Variants in UBASH3B observed in about 807,000 individuals in gnomAD.
UBASH3B encodes ubiquitin associated and SH3 domain containing B.
A neutral mutation model predicts 83.4 loss-of-function variants in UBASH3B; 37 were observed. The observed-to-expected ratio is 0.44, with a 90% confidence interval of 0.34 to 0.58. The LOEUF (loss-of-function observed/expected upper bound fraction) is 0.58. Among genes scored for constraint, UBASH3B ranks in the 20% least tolerant of loss-of-function variants. The pLI is 0.01. For missense variants in UBASH3B, 657 were observed against 827.2 expected, an observed-to-expected ratio of 0.79 and a Z score of 2.52; for synonymous variants, 304 against 318.3, an observed-to-expected ratio of 0.96 and a Z score of 0.48.
intron 1 of UBASH3B, among the ~76,000 whole-genome samples, chr11:122,768,466 A>AGGTATATGTG: frequency 7.8e-6 from 1 of 128,984 alleles, no homozygotes; most frequent in Non-Finnish European, 1.6e-5. Flanking sequence ...AGAGATATAT[A>AGGTATATGTG]TGTATGTGTG....
intron 1 of UBASH3B, among the ~76,000 whole-genome samples, chr11:122,710,546 A>G (rs1336875138): frequency 1.3e-5 from 2 of 152,242 alleles, no homozygotes; most frequent in Non-Finnish European, 2.9e-5. Flanking sequence ...GCCAGAAGTC[A>G]AACGTTCATC....
intron 1 of UBASH3B, among the ~76,000 whole-genome samples, chr11:122,663,529 A>T (rs1380435711): frequency 6.6e-6 from 1 of 152,204 alleles, no homozygotes; most frequent in African/African-American, 2.4e-5. Context: ...GTGGACAGTC[A>T]TTCGCAGAGC....
At chr11:122,664,948 G>A (rs763381129) in intron 1 of UBASH3B, among the ~76,000 whole-genome samples, 4 of 152,280 alleles carry the variant, frequency 2.6e-5, no homozygotes, top group South Asian at 4.1e-4. Context: ...TCGCTCTGTC[G>A]CCCAGGCTGG....
chr11:122,743,668 T>A (rs1257476434), intron 1 of UBASH3B, among the ~76,000 whole-genome samples: 1 of 152,220 alleles, frequency 6.6e-6, no homozygotes, highest in East Asian at 1.9e-4. Flanking sequence ...TGCAAGGATG[T>A]GAATATTCGA....
chr11:122,681,944 A>C (rs1030916870), intron 1 of UBASH3B, among the ~76,000 whole-genome samples: 1 of 152,100 alleles, frequency 6.6e-6, no homozygotes, highest in Non-Finnish European at 1.5e-5. Context: ...TTGTGTGCTG[A>C]GTGTGGCAGC....
intron 1 of UBASH3B, among the ~76,000 whole-genome samples, chr11:122,766,774 TAAATA>T (rs904111370): frequency 4.6e-5 from 7 of 152,030 alleles, no homozygotes; most frequent in East Asian, 3.9e-4. Context: ...AATAAATACG[TAAATA>T]AAATAAAATA....
At chr11:122,660,423 G>A (rs1428440227) in intron 1 of UBASH3B, among the ~76,000 whole-genome samples, 1 of 152,160 alleles carries the variant, frequency 6.6e-6, no homozygotes, top group Non-Finnish European at 1.5e-5. Flanking sequence ...AAAAATAAGG[G>A]TCCAGCTTCC....
At chr11:122,708,986 C>T (rs1009151312) in intron 1 of UBASH3B, among the ~76,000 whole-genome samples, 20 of 152,212 alleles carry the variant, frequency 1.3e-4, no homozygotes, top group Non-Finnish European at 7.3e-5. Context: ...GTGGTGCATG[C>T]CTGTAACCCT....
intron 1 of UBASH3B, among the ~76,000 whole-genome samples, chr11:122,665,724 C>T (rs1863507278): frequency 1.3e-5 from 2 of 152,086 alleles, no homozygotes; most frequent in African/African-American, 2.4e-5. Flanking sequence ...GGTGGGGAGC[C>T]GTTTACTAGT....
intron 1 of UBASH3B, among the ~76,000 whole-genome samples, chr11:122,699,499 ATCTTTCTTTCTTTCTTTC>A (rs757014833): frequency 5.7e-4 from 79 of 138,398 alleles, no homozygotes; most frequent in South Asian, 9.5e-4. Context: ...TTCTTTTTAA[ATCTTTCTTTCTTTCTTTC>A]TCTTTCTTTC....
At chr11:122,799,219 G>A (rs1279339077) in intron 10 of UBASH3B, among the ~76,000 whole-genome samples, 185 bp downstream of exon 10, 2 of 152,132 alleles carry the variant, frequency 1.3e-5, no homozygotes, top group Admixed American at 6.5e-5. Flanking sequence ...GGCCGGGCAC[G>A]GTGGCTCATG....
At chr11:122,756,282 G>C (rs1333195461) in intron 1 of UBASH3B, among the ~76,000 whole-genome samples, 3 of 152,178 alleles carry the variant, frequency 2.0e-5, no homozygotes, top group Non-Finnish European at 4.4e-5. Flanking sequence ...CCAGTAACTG[G>C]ATTCTTACCC....
At chr11:122,796,352 T>C (rs1861156727) in intron 8 of UBASH3B, 76 bp downstream of exon 8, 1 of 1,570,350 alleles carries the variant, frequency 6.4e-7, no homozygotes, top group Non-Finnish European at 8.6e-7. Context: ...GCTACAGTTA[T>C]CTAGATGGAG....
At chr11:122,723,379 C>G (rs1367731110) in intron 1 of UBASH3B, among the ~76,000 whole-genome samples, 1 of 152,206 alleles carries the variant, frequency 6.6e-6, no homozygotes, top group African/African-American at 2.4e-5. Flanking sequence ...AGTCTCCAGC[C>G]TAAAGCCTTT....
chr11:122,794,945 T>G, intron 7 of UBASH3B, 111 bp downstream of exon 7: 8 of 1,482,912 alleles, frequency 5.4e-6, no homozygotes, highest in African/African-American at 1.4e-5. Context: ...CCACGATCTC[T>G]TGGGAAGAAA....
chr11:122,791,554 G>A (rs771005999), intron 6 of UBASH3B, among the ~76,000 whole-genome samples: 7 of 152,178 alleles, frequency 4.6e-5, no homozygotes, highest in Non-Finnish European at 1.0e-4. Flanking sequence ...TTCCATAAAA[G>A]CAATCCTGTA....
chr11:122,705,783 A>G (rs1190660681), intron 1 of UBASH3B, among the ~76,000 whole-genome samples: 2 of 152,202 alleles, frequency 1.3e-5, no homozygotes, highest in Non-Finnish European at 2.9e-5. Flanking sequence ...GAGTAGAAAG[A>G]AAATGGCTGC....
Position 122,803,285 on chromosome 11 carries a change from T to G in UBASH3B, c.1595+1953T>G, listed in dbSNP as rs149417533. On this transcript the variant is annotated intron_variant, in intron 11 of 13. Coordinates refer to ENST00000284273, the MANE Select transcript of UBASH3B (RefSeq NM_032873.5). ...GTTTAATTCCCTATGAAATTAATGATGCCAAATGGACAAGCCTTTGGAAGC... is the reference window on the plus strand; with the variant it reads ...GTTTAATTCCCTATGAAATTAATGAGGCCAAATGGACAAGCCTTTGGAAGC... 3.6e-3 allele frequency among the ~76,000 whole-genome samples: 550 copies of G among 152,280 alleles called. 4 individuals are homozygous for G. The highest frequency in any genetic ancestry group is 0.013 in the African/African-American group (522 of 41,556).
In UBASH3B at chr11:122,794,791, T is replaced by C; in HGVS notation, c.1070T>C (p.Leu357Pro). The stretch of plus-strand genomic sequence containing the variant: ...AGGCGGCCTTATGAGGACCAGGGGC[T>C]CGGGGAGACGACTCCTCTTACTATC... ...LERRPYEDQG[L>P]GETTPLTIIC... is the part of the protein sequence containing the mutation. Residue 357 changes from leucine to proline, a missense_variant, in exon 7 of 14, where the codon CTC (leucine) becomes CCC (proline). Leu to Pro is a moderately conservative substitution (Grantham distance 98). Transcript: ENST00000284273. 1 of 1,614,042 alleles carries C rather than the reference T, an allele frequency of 6.2e-7. No homozygotes were observed. The highest frequency in any genetic ancestry group is 1.7e-5 in the Admixed American group (1 of 60,010).
Sources: allele counts gnomAD v4.1 joint callset (sites outside exome capture counted in the v4.1 genomes callset), GRCh38; gene constraint gnomAD v4.1.1; transcripts MANE v1.5; gene names NCBI Gene and HGNC (gene_info 2026-07-23, HGNC 2026-07-21).